Variants in PTPRK observed in about 807,000 individuals in gnomAD.
PTPRK encodes protein tyrosine phosphatase receptor type K, also known as receptor-type tyrosine-protein phosphatase kappa.
A neutral mutation model predicts 178.0 loss-of-function variants in PTPRK; 75 were observed. The ratio of observed to expected loss-of-function variants is 0.42; its 90% CI spans 0.35 to 0.51. The LOEUF (loss-of-function observed/expected upper bound fraction) is 0.51, where lower values mean the gene tolerates loss of function less well. Ranked by LOEUF, PTPRK falls within the 20% of genes least tolerant of loss-of-function variation. The probability of loss-of-function intolerance (pLI) is 0.02; values close to 1 mark genes in which losing one functional copy is unlikely to be tolerated. For synonymous variants in PTPRK, 637 were observed against 620.6 expected (o/e 1.03, Z -0.39); for missense variants, 1,441 against 1,797.8 (o/e 0.80, Z 3.59).
At chr6:128,182,848 AT>A (rs1802147797) in intron 7 of PTPRK, among the ~76,000 whole-genome samples, 2 of 152,156 alleles carry the variant, frequency 1.3e-5, no homozygotes, top group South Asian at 4.1e-4. Context: ...TTAAACAAAA[AT>A]TACATTATAT....
intron 2 of PTPRK, among the ~76,000 whole-genome samples, chr6:128,371,875 CAA>C (rs879295294): frequency 2.3e-4 from 30 of 131,592 alleles, no homozygotes; most frequent in Admixed American, 3.1e-4. Context: ...GACCTTGTCT[CAA>C]AAAAAAAAAA....
intron 1 of PTPRK, among the ~76,000 whole-genome samples, chr6:128,474,833 C>T (rs1382069966): frequency 6.6e-6 from 1 of 152,254 alleles, no homozygotes; most frequent in Non-Finnish European, 1.5e-5. Flanking sequence ...TCAACTAAAA[C>T]TGATGCCATA....
intron 13 of PTPRK, among the ~76,000 whole-genome samples, chr6:128,026,343 C>G (rs183518920): frequency 6.6e-6 from 1 of 152,152 alleles, no homozygotes; most frequent in Non-Finnish European, 1.5e-5. Flanking sequence ...TGGTCTTTCC[C>G]TTACATCAAG....
rs1773652905 is a variant in PTPRK at position 127,969,171 on chromosome 6, A to G, written c.*1056T>C. ...TGACCAGTGCTGGGCCACAGGCTGAAAAACTCCATTCCTTTAAAATTTAAA... is the reference window on the plus strand; with the variant it reads ...TGACCAGTGCTGGGCCACAGGCTGAGAAACTCCATTCCTTTAAAATTTAAA... On this transcript the variant is annotated 3_prime_UTR_variant, in exon 30 of 30. Transcript: ENST00000368226. The G allele has an allele frequency of 6.6e-6, 1 of 152,232 alleles. No individual in the cohort carries two copies. Among genetic ancestry groups the G allele is most frequent in the South Asian group, 2.1e-4 (1 of 4,830 alleles). The allele number at this position is 152,232 out of a possible 1,614,324, so 9.4% of individuals were successfully genotyped here. A position where few individuals can be genotyped will look rare whatever the true frequency, so the allele number is the denominator to read the frequency against.
chr6:128,059,910 G>T (rs934759435), intron 13 of PTPRK, among the ~76,000 whole-genome samples: 3 of 152,068 alleles, frequency 2.0e-5, no homozygotes, highest in Non-Finnish European at 4.4e-5. Context: ...TTAAAGCAAA[G>T]AAATATTTAA....
At chr6:128,299,731 T>C (rs545422327) in intron 3 of PTPRK, among the ~76,000 whole-genome samples, 1 of 152,098 alleles carries the variant, frequency 6.6e-6, no homozygotes, top group Non-Finnish European at 1.5e-5. Context: ...TCAAGATGGA[T>C]TAAAGACTTA....
chr6:128,063,223 T>C (rs1156372637), intron 13 of PTPRK, among the ~76,000 whole-genome samples: 1 of 152,158 alleles, frequency 6.6e-6, no homozygotes, highest in African/African-American at 2.4e-5. Context: ...GGACTATTTT[T>C]TACCACTTCA....
chr6:128,056,574 G>A (rs974182175), intron 13 of PTPRK, among the ~76,000 whole-genome samples: 1 of 151,694 alleles, frequency 6.6e-6, no homozygotes, highest in Non-Finnish European at 1.5e-5. Context: ...ACAGGTGCCC[G>A]CCACCACACC....
chr6:128,100,347 T>C (rs1788585792), intron 7 of PTPRK, among the ~76,000 whole-genome samples: 1 of 152,000 alleles, frequency 6.6e-6, no homozygotes, highest in Non-Finnish European at 1.5e-5. Context: ...ATTACTAGAA[T>C]AAATATGGTC....
rs111325341 is a variant in PTPRK at position 128,000,342 on chromosome 6, A to G, written c.2495-1438T>C. The G allele has an allele frequency of 1.2e-4, 134 of 1,080,718 alleles. No individual in the cohort carries two copies. The South Asian group carries it at 1.7e-3, about 14-fold the overall frequency. 66.9% of individuals were successfully genotyped at this position (1,080,718 alleles called of 1,614,324 possible). On this transcript the variant is annotated intron_variant, in intron 15 of 29. Coordinates refer to ENST00000368226, the MANE Select transcript of PTPRK (RefSeq NM_002844.4). ...AACATTTTTTCTTCCTGGAGAAGGG[A>G]AAAAAAAAAGAACCCTACAATCAGA...
At chr6:127,990,107 T>C (rs566776072) in intron 21 of PTPRK, among the ~76,000 whole-genome samples, 5 of 152,124 alleles carry the variant, frequency 3.3e-5, no homozygotes, top group Non-Finnish European at 7.4e-5. Flanking sequence ...TCACAAACCC[T>C]ACAATGGCAG....
chr6:128,352,832 A>T (rs1005388644), intron 2 of PTPRK, among the ~76,000 whole-genome samples: 8 of 152,228 alleles, frequency 5.3e-5, no homozygotes, highest in African/African-American at 1.9e-4. Flanking sequence ...TATGAAAATG[A>T]TATGCTAGTT....
chr6:128,128,756 A>G (rs1438089210), intron 7 of PTPRK, among the ~76,000 whole-genome samples: 1 of 152,242 alleles, frequency 6.6e-6, no homozygotes, highest in South Asian at 2.1e-4. Context: ...TTGCAGATGA[A>G]TAAATCAAGC....
chr6:128,368,737 T>C (rs1430205051), intron 2 of PTPRK, among the ~76,000 whole-genome samples: 1 of 152,140 alleles, frequency 6.6e-6, no homozygotes, highest in African/African-American at 2.4e-5. Flanking sequence ...GTACTGCTAC[T>C]TCTCTGCAAC....
intron 3 of PTPRK, among the ~76,000 whole-genome samples, chr6:128,283,834 C>T (rs796761811): frequency 2.3e-4 from 35 of 152,208 alleles, no homozygotes; most frequent in African/African-American, 8.4e-4. Flanking sequence ...GGTATCTATT[C>T]TTCATTTTTC....
chr6:128,165,121 C>T (rs1368362492), intron 7 of PTPRK, among the ~76,000 whole-genome samples: 1 of 150,840 alleles, frequency 6.6e-6, no homozygotes, highest in Non-Finnish European at 1.5e-5. Context: ...AAGACTTTGG[C>T]CTACCGCATT....
intron 9 of PTPRK, among the ~76,000 whole-genome samples, chr6:128,083,456 T>C (rs1785177213): frequency 6.6e-6 from 1 of 152,030 alleles, no homozygotes; most frequent in Non-Finnish European, 1.5e-5. Flanking sequence ...ATAATGACTA[T>C]CCTGCTTCCC....
chr6:128,450,180 A>G (rs977502097), intron 1 of PTPRK, among the ~76,000 whole-genome samples: 1 of 152,114 alleles, frequency 6.6e-6, no homozygotes, highest in Non-Finnish European at 1.5e-5. Context: ...AAATGATATT[A>G]ATACTTTGAC....
intron 6 of PTPRK, among the ~76,000 whole-genome samples, chr6:128,194,749 T>C (rs1007015878): frequency 6.6e-6 from 1 of 152,086 alleles, no homozygotes; most frequent in Admixed American, 6.6e-5. Flanking sequence ...AAAAAATATA[T>C]GGTTGGAGAA....
Sources: allele counts gnomAD v4.1 joint callset (sites outside exome capture counted in the v4.1 genomes callset), GRCh38; gene constraint gnomAD v4.1.1; transcripts MANE v1.5; gene names NCBI Gene and HGNC (gene_info 2026-07-23, HGNC 2026-07-21).